The following KMT5B variants were observed in gnomAD, a reference collection of about 807,000 sequenced individuals.
KMT5B encodes histone-lysine N-methyltransferase KMT5B.
In KMT5B, 10 loss-of-function variants were observed where a neutral mutation model predicts 83.2. The ratio of observed to expected loss-of-function variants is 0.12; its 90% CI spans 0.07 to 0.20. KMT5B has a LOEUF of 0.20. KMT5B is among the 10% of genes least tolerant of loss of function. The pLI is 1.00. For missense variants in KMT5B, 753 were observed against 1,067.2 expected (o/e 0.71, Z 4.10); for synonymous variants, 349 against 388.8 (o/e 0.90, Z 1.20).
At chr11:68,179,900 A>G in intron 4 of KMT5B, 1 of 496,092 alleles carries the variant, frequency 2.0e-6, no homozygotes, top group East Asian at 3.8e-5. Flanking sequence ...AATCACATGG[A>G]GTGACTCCTG....
chr11:68,203,926 C>A (rs537293680), intron 1 of KMT5B, among the ~76,000 whole-genome samples: 118 of 152,266 alleles, frequency 7.7e-4, no homozygotes, highest in African/African-American at 2.7e-3. Flanking sequence ...CGTCTCTATA[C>A]TCCTAAAATA....
chr11:68,184,502 A>C (rs889187992), intron 3 of KMT5B, among the ~76,000 whole-genome samples: 1 of 152,260 alleles, frequency 6.6e-6, no homozygotes. Context: ...GATAAAATTA[A>C]AAGGGGGGAA....
intron 1 of KMT5B, among the ~76,000 whole-genome samples, chr11:68,194,217 G>A (rs1858442093): frequency 6.9e-6 from 1 of 145,370 alleles, no homozygotes; most frequent in Admixed American, 6.9e-5. Flanking sequence ...TTGAGACAGA[G>A]TATCGCTCCC....
At chr11:68,200,633 G>C (rs1356570985) in intron 1 of KMT5B, among the ~76,000 whole-genome samples, 1 of 152,200 alleles carries the variant, frequency 6.6e-6, no homozygotes, top group African/African-American at 2.4e-5. Flanking sequence ...GATGGGAATA[G>C]GTTAGTTAAT....
chr11:68,175,397 GTTATT>G (rs901533598), intron 4 of KMT5B, among the ~76,000 whole-genome samples: 6 of 152,040 alleles, frequency 3.9e-5, no homozygotes, highest in Admixed American at 2.6e-4. Context: ...TTTTCAATCT[GTTATT>G]TTAATATTTT....
chr11:68,171,136 G>T lies in KMT5B; in HGVS notation c.856C>A (p.Arg286=). Residue 286 remains arginine (R), a synonymous_variant, in exon 9 of 11, where the codon CGA becomes AGA. Transcript: ENST00000304363. This position sits in a 1 kb window ranked among gnomAD's most constrained non-coding sequence, Gnocchi z 5.1. ...AGAGCCTTCACACATGCTGTATCTC[G>T]ACCAGTTGACACAAACTAAAATAAA... ...RPNCKFVSTG[R]DTACVKALRD... The T allele has an allele frequency of 6.2e-7, 1 of 1,609,844 alleles. No homozygotes were observed. The highest frequency in any genetic ancestry group is 8.5e-7 in the Non-Finnish European group (1 of 1,179,170).
intron 6 of KMT5B, among the ~76,000 whole-genome samples, chr11:68,172,867 T>A (rs1462187771): frequency 6.6e-6 from 1 of 152,162 alleles, no homozygotes; most frequent in Non-Finnish European, 1.5e-5. Context: ...CTTTTACCTA[T>A]CCATTTTCAG....
chr11:68,178,806 A>AT (rs550327023), intron 4 of KMT5B, among the ~76,000 whole-genome samples: 22 of 149,872 alleles, frequency 1.5e-4, no homozygotes, highest in East Asian at 1.4e-3. Flanking sequence ...CCTTAGGGAA[A>AT]TTTTTTTTTT....
chr11:68,162,760 AAC>A (rs1176486105), intron 10 of KMT5B, among the ~76,000 whole-genome samples: 6 of 152,364 alleles, frequency 3.9e-5, no homozygotes, highest in African/African-American at 9.6e-5. Flanking sequence ...GTATTACATC[AAC>A]ACAGAGATTT....
rs138420107 is a variant in KMT5B, at chr11:68,193,876, C to T, written c.-76-3724G>A. Among the ~76,000 whole-genome samples the T allele has an allele frequency of 2.5e-4, 38 of 150,702 alleles. 1 individual carries two copies. The highest frequency in any genetic ancestry group is 8.5e-4 in the African/African-American group (35 of 41,046). ...AGTGCAGTGGTGTGATGATGGCTCA[C>T]TGTGGCCTCAAAGTCCTAGGCTCAA... On this transcript the variant is annotated intron_variant, in intron 1 of 10. Coordinates refer to ENST00000304363, the MANE Select transcript of KMT5B (RefSeq NM_017635.5).
At chr11:68,182,189 T>C (rs1856997969) in intron 3 of KMT5B, among the ~76,000 whole-genome samples, 1 of 152,202 alleles carries the variant, frequency 6.6e-6, no homozygotes, top group South Asian at 2.1e-4. Context: ...AAGTTTACAT[T>C]TATGACTACA....
intron 10 of KMT5B, among the ~76,000 whole-genome samples, chr11:68,161,511 A>T (rs1346065266): frequency 6.6e-6 from 1 of 151,970 alleles, no homozygotes; most frequent in African/African-American, 2.4e-5. Flanking sequence ...CAACACTCAC[A>T]TCTATGTCAT....
intron 1 of KMT5B, among the ~76,000 whole-genome samples, chr11:68,191,421 C>T (rs186146139): frequency 6.6e-5 from 10 of 152,232 alleles, no homozygotes; most frequent in Non-Finnish European, 1.5e-4. Flanking sequence ...GCAACCTCCA[C>T]CTCCCAGGTT....
intron 1 of KMT5B, among the ~76,000 whole-genome samples, chr11:68,192,797 T>C (rs899621466): frequency 1.3e-5 from 2 of 152,196 alleles, no homozygotes; most frequent in Admixed American, 1.3e-4. Context: ...AATTCACTGT[T>C]CTAGATATTT....
chr11:68,160,802 T>A (rs1383267897), intron 10 of KMT5B, among the ~76,000 whole-genome samples: 1 of 151,904 alleles, frequency 6.6e-6, no homozygotes, highest in Non-Finnish European at 1.5e-5. Context: ...CAAAAATTAG[T>A]CGGGCACGGT....
chr11:68,157,951 C>G lies in KMT5B; in HGVS notation c.2395G>C (p.Gly799Arg), dbSNP rs745446918. 5 of 1,614,172 alleles carry G rather than the reference C, an allele frequency of 3.1e-6. No homozygotes were observed. The highest frequency in any genetic ancestry group is 4.2e-6 in the Non-Finnish European group (5 of 1,180,020). Residue 799 changes from glycine to arginine, a missense_variant, in exon 11 of 11, where the codon GGG becomes CGG. Gly to Arg is a moderately radical substitution (Grantham distance 125). Around this residue, in one of 9 missense-constraint regions of KMT5B, gnomAD observed 161 missense variants for 195.1 expected, o/e 0.83. Transcript: ENST00000304363. ...GAAAGAGGATCACTGCAGCACACCC[C>G]ATTTTCATGAAGCCCCTCTGTATAA... is the stretch of plus-strand genomic sequence containing the variant. ...GSYTEGLHEN[G>R]VCCSDPLSLL...
chr11:68,210,249 G>T (rs551379904), intron 1 of KMT5B, among the ~76,000 whole-genome samples: 89 of 152,160 alleles, frequency 5.8e-4, no homozygotes, highest in Non-Finnish European at 1.0e-3. Context: ...CAAGCTTTGG[G>T]GGGGGGGACA....
intron 3 of KMT5B, among the ~76,000 whole-genome samples, chr11:68,180,916 A>G (rs1426566442): frequency 6.6e-6 from 1 of 152,144 alleles, no homozygotes; most frequent in African/African-American, 2.4e-5. Context: ...CTCCCAATAA[A>G]TTGAAATTAG....
chr11:68,197,609 A>G (rs989279213), intron 1 of KMT5B, among the ~76,000 whole-genome samples: 1 of 152,206 alleles, frequency 6.6e-6, no homozygotes, highest in African/African-American at 2.4e-5. Flanking sequence ...TAATGTGCAC[A>G]TAATTTAAAT....
Sources: allele counts gnomAD v4.1 joint callset (sites outside exome capture counted in the v4.1 genomes callset), GRCh38; gene constraint gnomAD v4.1.1; regional missense constraint gnomAD v4.1.1; non-coding constraint Gnocchi (gnomAD v3.1); transcripts MANE v1.5; gene names NCBI Gene and HGNC (gene_info 2026-07-23, HGNC 2026-07-21).